Variants in ZHX2 observed in about 807,000 individuals in gnomAD.
The protein encoded by ZHX2 is zinc fingers and homeoboxes 2, also known as zinc fingers and homeoboxes protein 2.
ZHX2 carries 6 observed loss-of-function variants against 21.9 expected under a neutral mutation model. That is an observed-to-expected ratio of 0.27 (90% CI 0.15 to 0.54). The LOEUF is 0.54. Among genes scored for constraint, ZHX2 ranks in the 20% least tolerant of loss-of-function variants. The pLI is 0.95. For missense variants in ZHX2, 908 were observed against 1,090.7 expected (o/e 0.83, Z 2.36); for synonymous variants, 434 against 437.1 (o/e 0.99, Z 0.09).
intron 2 of ZHX2, among the ~76,000 whole-genome samples, chr8:122,896,042 G>GCCATTT (rs1449798518): frequency 1.3e-5 from 2 of 152,118 alleles, no homozygotes; most frequent in Non-Finnish European, 2.9e-5. Flanking sequence ...TCTGCTGACA[G>GCCATTT]GAGGGGCTGA....
At chr8:122,866,283 C>T (rs889381290) in intron 2 of ZHX2, among the ~76,000 whole-genome samples, 2 of 152,206 alleles carry the variant, frequency 1.3e-5, no homozygotes, top group African/African-American at 4.8e-5. Flanking sequence ...AACAGCGTGT[C>T]GCCAGATTCC....
At chr8:122,835,902 C>T (rs1818483657) in intron 1 of ZHX2, among the ~76,000 whole-genome samples, 1 of 152,086 alleles carries the variant, frequency 6.6e-6, no homozygotes, top group Admixed American at 6.5e-5. Context: ...CGTATTGTGG[C>T]CAGACTGAAT....
chr8:122,785,697 G>A (rs1992669), intron 1 of ZHX2, among the ~76,000 whole-genome samples: 4,411 of 152,300 alleles, frequency 0.029, 200 homozygotes, highest in African/African-American at 0.099. Context: ...GGGGTGAAAG[G>A]AGGAATGGTT....
intron 1 of ZHX2, among the ~76,000 whole-genome samples, chr8:122,858,301 G>A (rs1294796646): frequency 6.6e-6 from 1 of 152,216 alleles, no homozygotes; most frequent in Non-Finnish European, 1.5e-5. Context: ...TCTGCTAAAT[G>A]TTTGCTGAAT....
At chr8:122,792,414 ATGC>A (rs1289011097) in intron 1 of ZHX2, among the ~76,000 whole-genome samples, 2 of 152,192 alleles carry the variant, frequency 1.3e-5, no homozygotes, top group African/African-American at 4.8e-5. Context: ...GGTGATTATG[ATGC>A]TGCTGCTGTG....
chr8:122,902,606 C>T (rs1372415506), intron 2 of ZHX2, among the ~76,000 whole-genome samples: 2 of 152,144 alleles, frequency 1.3e-5, no homozygotes, highest in African/African-American at 2.4e-5. Context: ...GGTTCAAATC[C>T]CAGCTCTGCC....
chr8:122,945,365 C>T (rs982897688), intron 2 of ZHX2, among the ~76,000 whole-genome samples: 1 of 142,276 alleles, frequency 7.0e-6, no homozygotes, highest in Non-Finnish European at 1.5e-5. Flanking sequence ...CTTGCACAGA[C>T]ACCAGAAATG....
intron 2 of ZHX2, among the ~76,000 whole-genome samples, chr8:122,888,068 C>T (rs1291248249): frequency 2.6e-5 from 4 of 152,202 alleles, no homozygotes; most frequent in African/African-American, 9.6e-5. Context: ...AGCCCCCTCT[C>T]TACCCCTTCT....
intron 1 of ZHX2, among the ~76,000 whole-genome samples, chr8:122,859,477 G>C (rs1474106782): frequency 6.6e-6 from 1 of 152,186 alleles, no homozygotes; most frequent in Non-Finnish European, 1.5e-5. Flanking sequence ...CATTAATTAG[G>C]GTAAGAGTGA....
chr8:122,887,946 T>C (rs1315138830), intron 2 of ZHX2, among the ~76,000 whole-genome samples: 1 of 152,152 alleles, frequency 6.6e-6, no homozygotes, highest in Admixed American at 6.5e-5. Context: ...AGTGTTTGCG[T>C]TGGGCTCTGG....
chr8:122,877,633 C>G (rs990489052), intron 2 of ZHX2, among the ~76,000 whole-genome samples: 1 of 152,178 alleles, frequency 6.6e-6, no homozygotes, highest in Non-Finnish European at 1.5e-5. Context: ...TCACAAAAAG[C>G]ACACAAATGG....
At chr8:122,908,646 A>G (rs189125121) in intron 2 of ZHX2, among the ~76,000 whole-genome samples, 1 of 150,834 alleles carries the variant, frequency 6.6e-6, no homozygotes, top group East Asian at 1.9e-4. Flanking sequence ...TTTGACCTGA[A>G]ACTGTAACAA....
At chr8:122,893,100 C>G (rs114091311) in intron 2 of ZHX2, among the ~76,000 whole-genome samples, 1,902 of 152,264 alleles carry the variant, frequency 0.012, 37 homozygotes, top group African/African-American at 0.043. Context: ...CTATGATATT[C>G]TTGAGTAGTT....
At chr8:122,832,755 G>A (rs929418289) in intron 1 of ZHX2, among the ~76,000 whole-genome samples, 8 of 152,112 alleles carry the variant, frequency 5.3e-5, no homozygotes, top group African/African-American at 2.4e-5. Context: ...AGGGATATGC[G>A]GTCGGTTGTG....
intron 1 of ZHX2, among the ~76,000 whole-genome samples, chr8:122,798,719 G>T (rs1048238310): frequency 1.3e-5 from 2 of 151,848 alleles, no homozygotes; most frequent in African/African-American, 2.4e-5. Context: ...GGAGGCAGAG[G>T]TTGCAGTGAG....
intron 2 of ZHX2, among the ~76,000 whole-genome samples, chr8:122,925,851 G>GTTT (rs1820836635): frequency 6.6e-6 from 1 of 152,168 alleles, no homozygotes; most frequent in South Asian, 2.1e-4. Flanking sequence ...GGAGTGGTGT[G>GTTT]TTTCAGCAGA....
At chr8:122,869,357 C>T (rs1323342512) in intron 2 of ZHX2, among the ~76,000 whole-genome samples, 6 of 147,880 alleles carry the variant, frequency 4.1e-5, no homozygotes, top group African/African-American at 1.0e-4. Context: ...GACAAAGTTT[C>T]GCTTTTGTCG....
intron 2 of ZHX2, among the ~76,000 whole-genome samples, chr8:122,919,632 A>G (rs953845464): frequency 5.3e-5 from 8 of 152,196 alleles, no homozygotes. Context: ...CTGCAAATGT[A>G]TAAAGTACTT....
intron 3 of ZHX2, among the ~76,000 whole-genome samples, chr8:122,965,675 C>T (rs545696804): frequency 6.8e-4 from 103 of 152,094 alleles, no homozygotes; most frequent in Non-Finnish European, 1.3e-4. Flanking sequence ...ATTTGTTCTA[C>T]GGTGTAGTTT....
Sources: allele counts gnomAD v4.1 joint callset (sites outside exome capture counted in the v4.1 genomes callset), GRCh38; gene constraint gnomAD v4.1.1; transcripts MANE v1.5; gene names NCBI Gene and HGNC (gene_info 2026-07-23, HGNC 2026-07-21).